Variants in CLSTN2 observed in about 807,000 individuals in gnomAD.
CLSTN2 encodes calsyntenin-2.
A neutral mutation model predicts 101.2 loss-of-function variants in CLSTN2; 48 were observed. The ratio of observed to expected loss-of-function variants is 0.47; its 90% CI spans 0.38 to 0.60. CLSTN2 has a LOEUF of 0.60. Among genes scored for constraint, CLSTN2 ranks in the 20% least tolerant of loss-of-function variants. CLSTN2 has a pLI of 0.00. For synonymous variants in CLSTN2, 481 were observed against 463.6 expected (o/e 1.04, Z -0.48); for missense variants, 1,160 against 1,238.2 (o/e 0.94, Z 0.95).
chr3:140,390,090 T>TAAA, intron 2 of CLSTN2, among the ~76,000 whole-genome samples: 1 of 147,360 alleles, frequency 6.8e-6, no homozygotes, highest in African/African-American at 2.5e-5. Context: ...AAAGGTTTCT[T>TAAA]AAAAAAAAAA....
intron 1 of CLSTN2, among the ~76,000 whole-genome samples, chr3:140,125,966 C>T (rs73226945): frequency 0.01 from 1,568 of 152,148 alleles, 14 homozygotes; most frequent in Non-Finnish European, 0.014. Context: ...CTGGAGGGCC[C>T]TGGAGGGGTT....
At chr3:140,332,086 G>A (rs1034691546) in intron 2 of CLSTN2, among the ~76,000 whole-genome samples, 6 of 152,236 alleles carry the variant, frequency 3.9e-5, no homozygotes, top group Middle Eastern at 3.4e-3. Context: ...GAAGCACAGG[G>A]GCTCTGGGAG....
chr3:140,063,115 A>G (rs941214863), intron 1 of CLSTN2, among the ~76,000 whole-genome samples: 1 of 152,198 alleles, frequency 6.6e-6, no homozygotes, highest in African/African-American at 2.4e-5. Flanking sequence ...TGGGGCAACT[A>G]TGTCACATAA....
chr3:140,041,152 T>C (rs1180449155), intron 1 of CLSTN2, among the ~76,000 whole-genome samples: 1 of 152,192 alleles, frequency 6.6e-6, no homozygotes, highest in African/African-American at 2.4e-5. Flanking sequence ...ACTGTTCATT[T>C]TTATCATCTT....
At chr3:140,356,780 G>GAAAAATTCCA (rs1358416832) in intron 2 of CLSTN2, among the ~76,000 whole-genome samples, 1 of 134,422 alleles carries the variant, frequency 7.4e-6, no homozygotes, top group Non-Finnish European at 1.6e-5. Context: ...AAAAAAGAAA[G>GAAAAATTCCA]AAAAATTCCA....
chr3:140,076,903 T>A (rs2008502288), intron 1 of CLSTN2, among the ~76,000 whole-genome samples: 1 of 152,152 alleles, frequency 6.6e-6, no homozygotes, highest in South Asian at 2.1e-4. Flanking sequence ...TTCACAGCTT[T>A]AAACACTGCC....
chr3:140,372,616 A>G (rs1337540340), intron 2 of CLSTN2, among the ~76,000 whole-genome samples: 1 of 152,170 alleles, frequency 6.6e-6, no homozygotes, highest in Non-Finnish European at 1.5e-5. Flanking sequence ...GACAACCCTC[A>G]GAACACAGGC....
chr3:140,078,863 C>T (rs1003029642), intron 1 of CLSTN2, among the ~76,000 whole-genome samples: 2 of 152,132 alleles, frequency 1.3e-5, no homozygotes, highest in Admixed American at 6.5e-5. Flanking sequence ...AACTTTCTGC[C>T]AGACACAGCA....
At chr3:140,154,861 G>A (rs1039239252) in intron 1 of CLSTN2, among the ~76,000 whole-genome samples, 1 of 151,920 alleles carries the variant, frequency 6.6e-6, no homozygotes, top group African/African-American at 2.4e-5. Context: ...AGCCAGGATG[G>A]TCTCAATCTC....
chr3:139,940,791 T>C (rs1935113853), intron 1 of CLSTN2, among the ~76,000 whole-genome samples: 1 of 152,152 alleles, frequency 6.6e-6, no homozygotes. Flanking sequence ...CTCCATCTCA[T>C]TCATCTCAAA....
At chr3:140,367,511 CAAAAAA>C (rs34398474) in intron 2 of CLSTN2, among the ~76,000 whole-genome samples, 14 of 96,814 alleles carry the variant, frequency 1.4e-4, no homozygotes, top group Non-Finnish European at 2.2e-4. Context: ...CACTTTGTCT[CAAAAAA>C]AAAAAAAAAA....
chr3:140,527,525 G>A (rs1468188489), intron 8 of CLSTN2, among the ~76,000 whole-genome samples: 1 of 152,108 alleles, frequency 6.6e-6, no homozygotes, highest in Admixed American at 6.5e-5. Flanking sequence ...ATTTCTCAAG[G>A]AACTTAAAAC....
At chr3:140,233,956 C>G (rs532669055) in intron 2 of CLSTN2, among the ~76,000 whole-genome samples, 1 of 152,184 alleles carries the variant, frequency 6.6e-6, no homozygotes, top group Non-Finnish European at 1.5e-5. Context: ...ACTTTTCTCA[C>G]GCCACAGTGG....
intron 1 of CLSTN2, among the ~76,000 whole-genome samples, chr3:139,982,250 C>T (rs7641890): frequency 0.33 from 49,835 of 151,628 alleles, 10,116 homozygotes; most frequent in Non-Finnish European, 0.46. Flanking sequence ...TATTACAGTC[C>T]GCCAAATGAA....
At position 140,540,970 on chromosome 3, in the gene CLSTN2, G is replaced by C. The variant is rs534829473; in HGVS notation, c.1508-5545G>C. On this transcript the variant is annotated intron_variant, in intron 9 of 16. Coordinates refer to ENST00000458420, the MANE Select transcript of CLSTN2 (RefSeq NM_022131.3). ...TTTGCTAAATACAACTGTTTTTTAAGACAACCATGTATTCCAGCAACCTTA... is the reference window on the plus strand; with the variant it reads ...TTTGCTAAATACAACTGTTTTTTAACACAACCATGTATTCCAGCAACCTTA... Among the ~76,000 whole-genome samples, 7 of 152,334 alleles carry C rather than the reference G, an allele frequency of 4.6e-5. No homozygotes were observed. In the South Asian group the frequency reaches 1.4e-3, roughly 32 times the overall value.
intron 4 of CLSTN2, among the ~76,000 whole-genome samples, chr3:140,414,611 G>T (rs943893106): frequency 1.3e-5 from 2 of 151,900 alleles, no homozygotes; most frequent in African/African-American, 4.8e-5. Flanking sequence ...ACTACCCATT[G>T]GGAACAATGT....
chr3:140,155,681 A>G (rs1270481786), intron 1 of CLSTN2, among the ~76,000 whole-genome samples: 1 of 152,174 alleles, frequency 6.6e-6, no homozygotes, highest in Non-Finnish European at 1.5e-5. Context: ...GGGAAATCCT[A>G]GATAATACCC....
At chr3:140,061,863 A>C (rs1019911706) in intron 1 of CLSTN2, among the ~76,000 whole-genome samples, 2 of 152,206 alleles carry the variant, frequency 1.3e-5, no homozygotes, top group Non-Finnish European at 2.9e-5. Flanking sequence ...GTTAGCTAAA[A>C]GGTCAATTCT....
chr3:140,080,675 T>G (rs532667709), intron 1 of CLSTN2, among the ~76,000 whole-genome samples: 1 of 152,304 alleles, frequency 6.6e-6, no homozygotes, highest in East Asian at 1.9e-4. Context: ...CAGTCCCATC[T>G]GCAGTTCAAG....
Sources: gnomAD v4.1 joint callset for allele counts (sites outside exome capture counted in the v4.1 genomes callset) on GRCh38, gnomAD v4.1.1 for gene constraint, MANE v1.5 for transcripts, NCBI Gene and HGNC (gene_info 2026-07-23, HGNC 2026-07-21) for gene names.